MTA2: variants seen among roughly 807,000 people sequenced by gnomAD.
The protein encoded by MTA2 is metastasis-associated protein MTA2.
A neutral mutation model predicts 87.1 loss-of-function variants in MTA2; 22 were observed. The observed-to-expected ratio is 0.25, with a 90% CI of 0.18 to 0.36. The LOEUF is 0.36. Ranked by LOEUF, MTA2 falls within the 10% of genes least tolerant of loss-of-function variation. The pLI is 1.00. For synonymous variants in MTA2, 314 were observed against 310.1 expected (o/e 1.01, Z -0.13); for missense variants, 542 against 853.2 (o/e 0.64, Z 4.54).
Position 62,594,299 on chromosome 11 carries a change from C to T in MTA2, c.1801G>A (p.Ala601Thr), listed in dbSNP as rs1231080770. ...GCCACAAACACCACAGGATTGGGGG[C>T]ATCAGCTGGGTTTAGTTTCTGACGC... ...AKRQKLNPADAPNPVVFVATK... is the reference protein window; with the variant it reads ...AKRQKLNPADTPNPVVFVATK... The change falls in exon 17 of 18, where the codon GCC becomes ACC. Residue 601 changes from alanine (A) to threonine (T), a missense_variant. Physicochemically the swap from Ala to Thr is moderately conservative, Grantham distance 58 (BLOSUM62 0). Coordinates refer to ENST00000278823, the MANE Select transcript of MTA2 (RefSeq NM_004739.4). The T allele has an allele frequency of 1.9e-6, 3 of 1,614,202 alleles. No homozygotes were observed. Among genetic ancestry groups the T allele is most frequent in the Admixed American group, 3.3e-5 (2 of 60,028 alleles).
chr11:62,594,682 C>T, intron 15 of MTA2, 48 bp from the exon 16 acceptor site: 1 of 1,530,574 alleles, frequency 6.5e-7, no homozygotes, highest in Non-Finnish European at 9.0e-7. Context: ...CACGCAGTTC[C>T]CCTTTGTTAC....
rs919027697 is a variant in MTA2 at position 62,598,637 on chromosome 11, C to G, written c.193G>C (p.Glu65Gln). 9.3e-6 allele frequency: 15 copies of G among 1,613,374 alleles called. No homozygotes were observed. Among genetic ancestry groups the G allele is most frequent in the Non-Finnish European group, 1.3e-5 (15 of 1,179,736 alleles). Residue 65 changes from glutamate (E) to glutamine (Q), a missense_variant and splice_region_variant, in exon 4 of 18, where the codon GAG becomes CAG. Glu to Gln is a conservative substitution (Grantham distance 29). Coordinates refer to ENST00000278823, the MANE Select transcript of MTA2 (RefSeq NM_004739.4). ...LNSLADSNAR[E>Q]FEEESKQPGV... is the part of the protein sequence containing the mutation. ...GGCTGCTTTGATTCCTCTTCAAACT[C>G]CCCTGGGAGATTAAAGAGGAAGAAA...
At position 62,595,170 on chromosome 11, in the gene MTA2, C is replaced by G; in HGVS notation, c.1483+94G>C. The stretch of plus-strand genomic sequence containing the variant: ...TCTTAAAAAAATTATCTGTGGCCTA[C>G]TATCCCTCCTGTTATTAGACATCCA... On this transcript the variant is annotated intron_variant, in intron 14 of 17. Transcript: ENST00000278823. This position sits in a 1 kb window ranked among gnomAD's most constrained non-coding sequence, Gnocchi z 4.9. 1 of 1,541,086 alleles carries G rather than the reference C, an allele frequency of 6.5e-7. No homozygotes were observed. The highest frequency in any genetic ancestry group is 8.9e-7 in the Non-Finnish European group (1 of 1,120,334).
rs758327513 is a variant in MTA2, at chr11:62,596,753, C to T, written c.766G>A (p.Gly256Arg). 3.1e-6 allele frequency: 5 copies of T among 1,614,054 alleles called. No homozygotes were observed. The highest frequency in any genetic ancestry group is 1.1e-5 in the South Asian group (1 of 91,086). ...TCATCCCGACACAGCACCGGGCCTC[C>T]CTGGGGTACCAGGGTCGACATGGCC... ...AKAMSTLVPQ[G>R]GPVLCRDEME... is the part of the protein sequence containing the mutation. Residue 256 changes from glycine (G) to arginine (R), a missense_variant, in exon 9 of 18, where the codon GGA becomes AGA. By Grantham distance (125) the Gly-to-Arg change is moderately radical (BLOSUM62 -2). This residue lies in a region of MTA2 where 44 missense variants were observed against 104.8 expected (regional missense o/e 0.42). Coordinates refer to ENST00000278823, the MANE Select transcript of MTA2 (RefSeq NM_004739.4).
In MTA2 at chr11:62,597,269, T is replaced by C. The variant is rs772675422; in HGVS notation, c.693+47A>G. 2.2e-6 allele frequency: 3 copies of C among 1,349,820 alleles called. No homozygotes were observed. The South Asian group carries it at 3.8e-5, about 17-fold the overall frequency. The allele number at this position is 1,349,820 out of a possible 1,614,324, so 83.6% of individuals were successfully genotyped here. A position where few individuals can be genotyped will look rare whatever the true frequency, so the allele number is the denominator to read the frequency against. On this transcript the variant is annotated intron_variant, in intron 8 of 17. Coordinates refer to ENST00000278823, the MANE Select transcript of MTA2 (RefSeq NM_004739.4). The stretch of plus-strand genomic sequence containing the variant: ...CTCTTCTGTTCCCAGGCTCTGCAAG[T>C]CCCCAGAAAACCCAGCCTGCCCAAC...
chr11:62,593,628 C>CA lies in MTA2; in HGVS notation c.*246dup. 1 of 480,164 alleles carries CA rather than the reference C, an allele frequency of 2.1e-6. No individual in the cohort carries two copies. 29.7% of individuals were successfully genotyped at this position (480,164 alleles called of 1,614,324 possible). A position where few individuals can be genotyped will look rare whatever the true frequency, so the allele number is the denominator to read the frequency against. ...CAAGACATCTGTGGGTCCTACCCCC[C>CA]AAAACAGGCTAGGTTCCCACATGGG... On this transcript the variant is annotated 3_prime_UTR_variant, in exon 18 of 18. Transcript: ENST00000278823.
intron 1 of MTA2, chr11:62,600,932 G>A: frequency 1.9e-6 from 1 of 527,128 alleles, no homozygotes; most frequent in Non-Finnish European, 3.4e-6. Flanking sequence ...CAGGCAAGAA[G>A]CAGGGGTTCC....
chr11:62,600,052 C>T, intron 3 of MTA2, 114 bp downstream of exon 3: 2 of 940,066 alleles, frequency 2.1e-6, no homozygotes, highest in Non-Finnish European at 3.2e-6. Flanking sequence ...AGGCATTTCC[C>T]ACCCCCAAAC....
rs757677218 is a variant in MTA2 at position 62,601,482 on chromosome 11, A to G, written c.-32T>C. 2 of 1,604,270 alleles carry G rather than the reference A, an allele frequency of 1.2e-6. No individual in the cohort carries two copies. Among genetic ancestry groups the G allele is most frequent in the South Asian group, 2.2e-5 (2 of 89,620 alleles). On this transcript the variant is annotated 5_prime_UTR_variant, in exon 1 of 18. Transcript: ENST00000278823. ...TCCCGCCGCCGCCTCCGGCCGCACA[A>G]AGGGGTCCGGGAGGCTCGCGGGGGC... is the stretch of plus-strand genomic sequence containing the variant.
rs777815650 is a variant in MTA2 at position 62,598,586 on chromosome 11, G to C, written c.244C>G (p.Gln82Glu). 1 of 1,614,150 alleles carries C rather than the reference G, an allele frequency of 6.2e-7. No homozygotes were observed. Among genetic ancestry groups the C allele is most frequent in the Admixed American group, 1.7e-5 (1 of 60,024 alleles). ...AGAAAAAGTTCCCGGTGCTTCAGTTGATGGCGCTGCTGCTCAGACACCCCT... is the reference window on the plus strand; with the variant it reads ...AGAAAAAGTTCCCGGTGCTTCAGTTCATGGCGCTGCTGCTCAGACACCCCT... ...QPGVSEQQRH[Q>E]LKHRELFLSR... The change falls in exon 4 of 18, where the codon CAA (glutamine) becomes GAA (glutamate). Residue 82 changes from glutamine to glutamate, a missense_variant. Gln to Glu is a conservative substitution (Grantham distance 29). Transcript: ENST00000278823.
chr11:62,594,419 G>A lies in MTA2; in HGVS notation c.1693-12C>T, dbSNP rs769546099. 5.0e-6 allele frequency: 8 copies of A among 1,614,096 alleles called. 1 individual carries two copies. The South Asian group carries it at 7.7e-5, about 16-fold the overall frequency. ...CCTGCCCCTGCCATCTGGAAAAGGGGTAGGATGGCACAATGAGGGAAGGGA... is the reference window on the plus strand; with the variant it reads ...CCTGCCCCTGCCATCTGGAAAAGGGATAGGATGGCACAATGAGGGAAGGGA... On this transcript the variant is annotated splice_polypyrimidine_tract_variant and intron_variant, in intron 16 of 17. Coordinates refer to ENST00000278823, the MANE Select transcript of MTA2 (RefSeq NM_004739.4).
Position 62,598,550 on chromosome 11 carries a change from A to C in MTA2, c.280T>G (p.Phe94Val). 1 of 1,614,116 alleles carries C rather than the reference A, an allele frequency of 6.2e-7. No individual in the cohort carries two copies. Among genetic ancestry groups the C allele is most frequent in the Non-Finnish European group, 8.5e-7 (1 of 1,180,032 alleles). The change falls in exon 4 of 18, where the codon TTT (phenylalanine) becomes GTT (valine). Residue 94 changes from phenylalanine (F) to valine (V), a missense_variant. Physicochemically the swap from Phe to Val is conservative, Grantham distance 50. This residue lies in a region of MTA2 where 150 missense variants were observed against 243.9 expected (regional missense o/e 0.62). Transcript: ENST00000278823. ...ATGTGGGTGGCTGGTAATGATTCAA[A>C]TTGCCGAGAAAGAAAAAGTTCCCGG... ...KHRELFLSRQ[F>V]ESLPATHIRG...
In MTA2 at chr11:62,595,240, A is replaced by G. The variant is rs1204939711; in HGVS notation, c.1483+24T>C. 2 of 1,607,438 alleles carry G rather than the reference A, an allele frequency of 1.2e-6. No individual in the cohort carries two copies. The highest frequency in any genetic ancestry group is 1.7e-6 in the Non-Finnish European group (2 of 1,174,236). On this transcript the variant is annotated intron_variant, in intron 14 of 17. Transcript: ENST00000278823. The surrounding 1 kb of genome is among the most constrained non-coding windows in gnomAD (Gnocchi z 4.9). ...GCAGAGCAATCCGAAACCCACCACC[A>G]GTCCCACCACTCCCTGCCCTTACAC...
chr11:62,600,933 C>T, intron 1 of MTA2: 2 of 526,030 alleles, frequency 3.8e-6, no homozygotes. Context: ...AGGCAAGAAG[C>T]AGGGGTTCCC....
chr11:62,594,581 T>C lies in MTA2; in HGVS notation c.1627A>G (p.Asn543Asp). 6.2e-7 allele frequency: 1 copy of C among 1,614,178 alleles called. No homozygotes were observed. Among genetic ancestry groups the C allele is most frequent in the Non-Finnish European group, 8.5e-7 (1 of 1,180,034 alleles). ...CGGTTCTGGGACAGCTGGTTTCTGT[T>C]GATCGGTGTCTTGGTACCCCGAGGT... ...KTPRGTKTPI[N>D]RNQLSQNRGL... Residue 543 changes from asparagine to aspartate, a missense_variant, in exon 16 of 18, where the codon AAC (asparagine) becomes GAC (aspartate). Coordinates refer to ENST00000278823, the MANE Select transcript of MTA2 (RefSeq NM_004739.4).
chr11:62,601,766 T>TC lies in MTA2; in HGVS notation c.-317dup. ...CCCCGCCCCCGCGGAGTCCCACTAG[T>TC]CGTTGGGCTCTGCCGGCCGCAGGGA... On this transcript the variant is annotated 5_prime_UTR_variant, in exon 1 of 18. Coordinates refer to ENST00000278823, the MANE Select transcript of MTA2 (RefSeq NM_004739.4). The TC allele has an allele frequency of 2.0e-6, 1 of 510,714 alleles. No homozygotes were observed. Among genetic ancestry groups the TC allele is most frequent in the Non-Finnish European group, 3.4e-6 (1 of 293,384 alleles). The allele number at this position is 510,714 out of a possible 1,614,324, so 31.6% of individuals were successfully genotyped here.
At position 62,597,473 on chromosome 11, in the gene MTA2, G is replaced by A. The variant is rs1333245935; in HGVS notation, c.594-58C>T. 14 of 1,547,120 alleles carry A rather than the reference G, an allele frequency of 9.0e-6. No individual in the cohort carries two copies. In the Admixed American group the frequency reaches 2.2e-4, roughly 24 times the overall value. On this transcript the variant is annotated intron_variant, in intron 7 of 17. Coordinates refer to ENST00000278823, the MANE Select transcript of MTA2 (RefSeq NM_004739.4). ...GAAAAGTCAAAAGCCCAAGTGGGCT[G>A]GGAAATTAAGCCAAAGGAGAAAGAA...
chr11:62,597,831 A>T, intron 6 of MTA2, 119 bp from the exon 7 acceptor site: 1 of 1,031,186 alleles, frequency 9.7e-7, no homozygotes, highest in Admixed American at 2.1e-5. Context: ...CAACTCTCCG[A>T]CTTCTCTTCC....
At position 62,601,543 on chromosome 11, in the gene MTA2, C is replaced by T. The variant is rs1432812477; in HGVS notation, c.-93G>A. On this transcript the variant is annotated 5_prime_UTR_variant, in exon 1 of 18. Transcript: ENST00000278823. ...TCGAGGCAAAGCCCCGAACGGTGGGCTGCCGCTTCGAGGGAGTCTCACTGG... is the reference window on the plus strand; with the variant it reads ...TCGAGGCAAAGCCCCGAACGGTGGGTTGCCGCTTCGAGGGAGTCTCACTGG... 1.0e-5 allele frequency: 15 copies of T among 1,469,718 alleles called. No homozygotes were observed. The highest frequency in any genetic ancestry group is 2.1e-5 in the Admixed American group (1 of 47,744). The allele number at this position is 1,469,718 out of a possible 1,614,324, so 91.0% of individuals were successfully genotyped here.
Sources: allele counts gnomAD v4.1 joint callset, GRCh38; gene constraint gnomAD v4.1.1; regional missense constraint gnomAD v4.1.1; non-coding constraint Gnocchi (gnomAD v3.1); transcripts MANE v1.5; gene names NCBI Gene and HGNC (gene_info 2026-07-23, HGNC 2026-07-21).